LY75: variants seen among roughly 807,000 people sequenced by gnomAD.
LY75 encodes the protein lymphocyte antigen 75, also known as C-type lectin domain family 13 member B.
In LY75, 185 loss-of-function variants were observed where a neutral mutation model predicts 231.7. That is an observed-to-expected ratio of 0.80 (90% CI 0.71 to 0.90). The LOEUF is 0.90. Ranked by LOEUF, LY75 falls within the 40% of genes least tolerant of loss-of-function variation. The pLI is 0.00. For missense variants in LY75, 1,947 were observed against 2,050.2 expected, an observed-to-expected ratio of 0.95 and a Z score of 0.97; for synonymous variants, 668 against 689.0, an observed-to-expected ratio of 0.97 and a Z score of 0.48.
Position 159,898,603 on chromosome 2 carries a change from T to TA in LY75, c.466+84_466+85insT, listed in dbSNP as rs1452897261. 5.9e-6 allele frequency: 9 copies of TA among 1,537,666 alleles called. No homozygotes were observed. In the East Asian group the frequency reaches 2.0e-4, roughly 35 times the overall value. ...CTCACTGCCCTTACTAATGTACGAC[T>TA]CTATTTTTACTAAATTGTGCATGTT... On this transcript the variant is annotated intron_variant, in intron 2 of 34. Transcript: ENST00000263636.
chr2:159,872,312 G>T, intron 13 of LY75, 139 bp downstream of exon 13: 1 of 1,101,608 alleles, frequency 9.1e-7, no homozygotes, highest in Non-Finnish European at 1.3e-6. Context: ...TTCCATGACT[G>T]CTAAGCACCA....
chr2:159,886,419 C>G lies in LY75; in HGVS notation c.913+1G>C. ...AGAGGGGGTAGGGAAAGAGCAGTTA[C>G]CTGGATCCCAGTTGAGAAAGTTTAA... is the stretch of plus-strand genomic sequence containing the variant. On this transcript the variant is annotated splice_donor_variant, in intron 5 of 34. Coordinates refer to ENST00000263636, the MANE Select transcript of LY75 (RefSeq NM_002349.4). LOFTEE classifies it high-confidence loss of function. 1 of 1,604,590 alleles carries G rather than the reference C, an allele frequency of 6.2e-7. No individual in the cohort carries two copies.
chr2:159,865,696 G>T (rs1221470930), intron 13 of LY75, among the ~76,000 whole-genome samples: 7 of 152,146 alleles, frequency 4.6e-5, no homozygotes, highest in African/African-American at 1.4e-4. Flanking sequence ...AATGAAGAAA[G>T]ACTTTGTGAG....
intron 28 of LY75, among the ~76,000 whole-genome samples, chr2:159,828,528 A>G (rs559564338): frequency 6.6e-6 from 1 of 152,250 alleles, no homozygotes; most frequent in African/African-American, 2.4e-5. Flanking sequence ...AGAAATCAGT[A>G]CTCTCATATA....
rs142391482 is a variant in LY75, at chr2:159,855,412, A to C, written c.2384-473T>G. ...AGGTTGATAGAGTTCATTGTCTTCC[A>C]AGATATCCTTGGAAACAATGTACAA... On this transcript the variant is annotated intron_variant, in intron 16 of 34. Transcript: ENST00000263636. 1.6e-4 allele frequency among the ~76,000 whole-genome samples: 24 copies of C among 152,356 alleles called. No individual in the cohort carries two copies. The East Asian group carries it at 4.6e-3, about 29-fold the overall frequency.
At chr2:159,887,211 T>TCACACACACACACACACA (rs370794967) in intron 4 of LY75, among the ~76,000 whole-genome samples, 28 of 129,978 alleles carry the variant, frequency 2.2e-4, no homozygotes, top group Middle Eastern at 3.8e-3. Flanking sequence ...AGAGTGAGAG[T>TCACACACACACACACACA]CACACACACA....
intron 11 of LY75, among the ~76,000 whole-genome samples, chr2:159,877,646 G>C (rs1685316595): frequency 6.6e-6 from 1 of 152,054 alleles, no homozygotes; most frequent in Non-Finnish European, 1.5e-5. Flanking sequence ...GAGGCAGATG[G>C]ATTACTTGGG....
intron 32 of LY75, 120 bp from the exon 33 acceptor site, chr2:159,808,691 T>C: frequency 7.3e-7 from 1 of 1,377,642 alleles, no homozygotes; most frequent in Non-Finnish European, 9.5e-7. Context: ...ATTCAAGCCT[T>C]ACACAGAGAC....
intron 4 of LY75, among the ~76,000 whole-genome samples, chr2:159,887,640 T>G (rs939712891): frequency 2.6e-5 from 4 of 151,846 alleles, no homozygotes; most frequent in Non-Finnish European, 5.9e-5. Context: ...ACAGTTTTCT[T>G]GGGTCTTGGG....
chr2:159,817,169 T>C (rs1683145576), intron 29 of LY75, 137 bp from the exon 30 acceptor site: 1 of 917,924 alleles, frequency 1.1e-6, no homozygotes, highest in Non-Finnish European at 1.6e-6. Context: ...ATGTATATTT[T>C]ATTTTTCTTA....
chr2:159,818,146 G>C (rs1488970796), intron 29 of LY75, among the ~76,000 whole-genome samples: 1 of 152,142 alleles, frequency 6.6e-6, no homozygotes, highest in Admixed American at 6.5e-5. Flanking sequence ...AATTTATATC[G>C]ATACTCCCCT....
rs371866063 is a variant in LY75, at chr2:159,819,899, T to G, written c.3980A>C (p.Asp1327Ala). ...TYRNKSLMWFDKTPLSYTHWR... is the reference protein window; with the variant it reads ...TYRNKSLMWFAKTPLSYTHWR... Reference sequence around the variant, plus strand: ...ATGTGTATATGACAGTGGGGTCTTATCAAACCACATAAGAGACTTATCTAG... The same window carrying G: ...ATGTGTATATGACAGTGGGGTCTTAGCAAACCACATAAGAGACTTATCTAG... The change falls in exon 29 of 35, where the codon GAT (aspartate) becomes GCT (alanine). Residue 1327 changes from aspartate to alanine, a missense_variant. By Grantham distance (126) the Asp-to-Ala change is moderately radical (BLOSUM62 -2). Transcript: ENST00000263636. 16 of 1,604,206 alleles carry G rather than the reference T, an allele frequency of 1.0e-5. No individual in the cohort carries two copies. The highest frequency in any genetic ancestry group is 1.4e-5 in the Non-Finnish European group (16 of 1,177,668).
In LY75 at chr2:159,885,400, T is replaced by C. The variant is rs1685554569; in HGVS notation, c.914-107A>G. The C allele has an allele frequency of 7.8e-6, 11 of 1,414,714 alleles. No homozygotes were observed. In the Middle Eastern group the frequency reaches 1.9e-3, roughly 243 times the overall value. 87.6% of individuals were successfully genotyped at this position (1,414,714 alleles called of 1,614,324 possible). ...AATTTTATGCTTTTATGGGAACTCA[T>C]ATTATAGTTAAAACTTAACTAAATT... On this transcript the variant is annotated intron_variant, in intron 5 of 34. Transcript: ENST00000263636.
chr2:159,881,351 T>TAGC (rs1685431816), intron 7 of LY75, 111 bp from the exon 8 acceptor site: 1 of 1,275,856 alleles, frequency 7.8e-7, no homozygotes, highest in South Asian at 1.8e-5. Context: ...GCCTTTGTAG[T>TAGC]ATTCTTAATT....
At chr2:159,894,378 G>A (rs1480560050) in intron 2 of LY75, among the ~76,000 whole-genome samples, 1 of 152,224 alleles carries the variant, frequency 6.6e-6, no homozygotes, top group East Asian at 1.9e-4. Flanking sequence ...GTGGTGTGAT[G>A]AGGCGCTGAA....
chr2:159,853,453 C>T, intron 19 of LY75, 101 bp from the exon 20 acceptor site: 1 of 1,488,416 alleles, frequency 6.7e-7, no homozygotes, highest in Non-Finnish European at 9.2e-7. Flanking sequence ...AATGTTAATA[C>T]CATTACTCTA....
chr2:159,840,775 G>T lies in LY75; in HGVS notation c.3461C>A (p.Ala1154Glu). 6.2e-7 allele frequency: 1 copy of T among 1,614,024 alleles called. No individual in the cohort carries two copies. The highest frequency in any genetic ancestry group is 8.5e-7 in the Non-Finnish European group (1 of 1,179,956). ...PYQQAFLSVQALLHNSSLWIG... is the reference protein window; with the variant it reads ...PYQQAFLSVQELLHNSSLWIG... Reference sequence around the variant, plus strand: ...CCATAAGGAAGAGTTGTGAAGGAGCGCCTGCACACTGAGGAATGCCTGCTG... The same window carrying T: ...CCATAAGGAAGAGTTGTGAAGGAGCTCCTGCACACTGAGGAATGCCTGCTG... The change falls in exon 25 of 35, where the codon GCG becomes GAG. Residue 1154 changes from alanine (A) to glutamate (E), a missense_variant. Coordinates refer to ENST00000263636, the MANE Select transcript of LY75 (RefSeq NM_002349.4).
rs1304338849 is a variant in LY75, at chr2:159,894,019, T to A, written c.532A>T (p.Thr178Ser). 6.2e-7 allele frequency: 1 copy of A among 1,613,710 alleles called. No homozygotes were observed. The highest frequency in any genetic ancestry group is 8.5e-7 in the Non-Finnish European group (1 of 1,179,838). The change falls in exon 3 of 35, where the codon ACC becomes TCC. Residue 178 changes from threonine (T) to serine (S), a missense_variant. Transcript: ENST00000263636. ...TCAAGAATGCAATCATGATGCCAGGTCCCATCAATTAAGAATGGAAATTCA... is the reference window on the plus strand; with the variant it reads ...TCAAGAATGCAATCATGATGCCAGGACCCATCAATTAAGAATGGAAATTCA... ...PCEFPFLIDG[T>S]WHHDCILDED...
At chr2:159,854,698 G>T in intron 17 of LY75, 163 bp from the exon 18 acceptor site, 2 of 662,586 alleles carry the variant, frequency 3.0e-6, no homozygotes, top group Non-Finnish European at 3.7e-6. Flanking sequence ...CTGAGCCAGT[G>T]ACTCTGCCAC....
Sources: allele counts gnomAD v4.1 joint callset (sites outside exome capture counted in the v4.1 genomes callset), GRCh38; gene constraint gnomAD v4.1.1; transcripts MANE v1.5; gene names NCBI Gene and HGNC (gene_info 2026-07-23, HGNC 2026-07-21).